GRM8: variants seen among roughly 807,000 people sequenced by gnomAD.
GRM8 encodes glutamate metabotropic receptor 8.
Under a neutral mutation model 87.2 loss-of-function variants are expected in GRM8, and 47 were observed. The observed-to-expected ratio is 0.54, with a 90% confidence interval of 0.43 to 0.69. The LOEUF (loss-of-function observed/expected upper bound fraction) is 0.69. Among genes scored for constraint, GRM8 ranks in the 30% least tolerant of loss-of-function variants. The pLI is 0.00. For synonymous variants in GRM8, 396 were observed against 404.5 expected (o/e 0.98, Z 0.25); for missense variants, 1,019 against 1,139.2 (o/e 0.89, Z 1.52).
intron 2 of GRM8, among the ~76,000 whole-genome samples, chr7:127,207,565 G>A (rs1158007490): frequency 5.3e-5 from 8 of 152,088 alleles, no homozygotes; most frequent in African/African-American, 1.7e-4. Context: ...ATCCTGCTAG[G>A]AAGGTGTTAT....
chr7:126,533,177 C>T lies in GRM8; in HGVS notation c.2205G>A (p.Lys735=), dbSNP rs758295826. The change falls in exon 9 of 11, where the codon AAG becomes AAA. Residue 735 remains lysine (K), a synonymous_variant. Transcript: ENST00000339582. ...YGEQRTLDPE[K]ARGVLKCDIS... is the part of the protein sequence containing the mutation. ...TGTCACACTTGAGCACTCCCCTGGC[C>T]TTCTCTGGATCTAGTGTCCGCTGCT... 17 of 1,612,664 alleles carry T rather than the reference C, an allele frequency of 1.1e-5. No homozygotes were observed. The highest frequency in any genetic ancestry group is 1.4e-5 in the Non-Finnish European group (17 of 1,179,624).
chr7:127,005,605 TCTA>T (rs995935633), intron 3 of GRM8, among the ~76,000 whole-genome samples: 8 of 151,928 alleles, frequency 5.3e-5, no homozygotes, highest in Non-Finnish European at 1.2e-4. Flanking sequence ...TTTACAGTTA[TCTA>T]CTATTTTCTC....
intron 3 of GRM8, among the ~76,000 whole-genome samples, chr7:126,918,514 A>G (rs1804169810): frequency 6.6e-6 from 1 of 152,248 alleles, no homozygotes; most frequent in African/African-American, 2.4e-5. Flanking sequence ...TGACCACTGG[A>G]AGAGGAAATA....
intron 8 of GRM8, among the ~76,000 whole-genome samples, chr7:126,602,746 G>C (rs967392727): frequency 6.6e-6 from 1 of 151,876 alleles, no homozygotes; most frequent in Non-Finnish European, 1.5e-5. Context: ...TCTGTTGATA[G>C]TTTACCAACC....
chr7:127,067,440 T>C (rs1821240354), intron 3 of GRM8, among the ~76,000 whole-genome samples: 1 of 152,226 alleles, frequency 6.6e-6, no homozygotes, highest in South Asian at 2.1e-4. Flanking sequence ...AATTACTCTT[T>C]ATTTAAAATT....
At chr7:127,029,098 G>C (rs959558412) in intron 3 of GRM8, among the ~76,000 whole-genome samples, 2 of 152,150 alleles carry the variant, frequency 1.3e-5, no homozygotes, top group Non-Finnish European at 2.9e-5. Context: ...TATTTACCCA[G>C]TAGTTATTCA....
intron 3 of GRM8, among the ~76,000 whole-genome samples, chr7:127,032,854 TTTG>T (rs1238647696): frequency 5.3e-5 from 8 of 152,076 alleles, no homozygotes; most frequent in East Asian, 1.9e-4. Context: ...TTTTTGCTTT[TTTG>T]TTGTTGTTAT....
intron 6 of GRM8, among the ~76,000 whole-genome samples, chr7:126,834,475 T>C (rs1795667058): frequency 6.6e-6 from 1 of 152,224 alleles, no homozygotes; most frequent in African/African-American, 2.4e-5. Flanking sequence ...TTGAAGTCCA[T>C]GTAGTGTTTT....
At chr7:127,001,756 T>C (rs532905687) in intron 3 of GRM8, among the ~76,000 whole-genome samples, 4 of 151,718 alleles carry the variant, frequency 2.6e-5, no homozygotes, top group Non-Finnish European at 4.4e-5. Flanking sequence ...GATTTATTCA[T>C]AGTAGCCACA....
intron 9 of GRM8, among the ~76,000 whole-genome samples, chr7:126,526,072 T>C (rs973834300): frequency 1.3e-5 from 2 of 152,172 alleles, no homozygotes; most frequent in African/African-American, 4.8e-5. Context: ...TATATATATA[T>C]GTGGTTACAG....
intron 3 of GRM8, among the ~76,000 whole-genome samples, chr7:127,030,225 C>T (rs1456167184): frequency 6.6e-6 from 1 of 152,002 alleles, no homozygotes; most frequent in East Asian, 1.9e-4. Flanking sequence ...AGTGGAGCTG[C>T]TCTAACACCT....
chr7:126,861,618 A>AT (rs953598216), intron 6 of GRM8, among the ~76,000 whole-genome samples: 10 of 150,192 alleles, frequency 6.7e-5, no homozygotes, highest in South Asian at 4.2e-4. Context: ...TATGCCCTTG[A>AT]TTTTTTTTTA....
chr7:126,652,443 G>A (rs1227095914), intron 7 of GRM8, among the ~76,000 whole-genome samples: 3 of 152,192 alleles, frequency 2.0e-5, no homozygotes, highest in African/African-American at 4.8e-5. Flanking sequence ...CTGTGAGGGT[G>A]TTGCCAAAGG....
At chr7:126,893,336 T>C (rs1586352182) in intron 6 of GRM8, among the ~76,000 whole-genome samples, 1 of 152,152 alleles carries the variant, frequency 6.6e-6, no homozygotes, top group East Asian at 1.9e-4. Flanking sequence ...TCTAGAATCA[T>C]ATTCCCATTT....
intron 2 of GRM8, among the ~76,000 whole-genome samples, chr7:127,135,335 T>C (rs1827890227): frequency 1.3e-5 from 2 of 152,024 alleles, no homozygotes; most frequent in Non-Finnish European, 2.9e-5. Context: ...CTAAAGCAGG[T>C]GTACAGAAAT....
intron 2 of GRM8, among the ~76,000 whole-genome samples, chr7:127,232,369 T>C (rs555102009): frequency 1.3e-4 from 20 of 152,254 alleles, no homozygotes; most frequent in African/African-American, 4.6e-4. Flanking sequence ...TAGCTGGAAC[T>C]ACAAGGGCAT....
At chr7:126,474,796 G>T (rs1321088255) in intron 9 of GRM8, among the ~76,000 whole-genome samples, 1 of 151,988 alleles carries the variant, frequency 6.6e-6, no homozygotes, top group Non-Finnish European at 1.5e-5. Flanking sequence ...AAATCAAGTG[G>T]GTTTTATCCC....
At chr7:126,873,874 T>C (rs901279780) in intron 6 of GRM8, among the ~76,000 whole-genome samples, 24 of 152,126 alleles carry the variant, frequency 1.6e-4, no homozygotes, top group African/African-American at 5.6e-4. Flanking sequence ...TATGACAGAA[T>C]TATGTGGACA....
chr7:126,658,767 G>T (rs574268861), intron 7 of GRM8, among the ~76,000 whole-genome samples: 2 of 152,090 alleles, frequency 1.3e-5, no homozygotes, highest in East Asian at 3.9e-4. Flanking sequence ...ATATTAGATT[G>T]GAAAAAAAAT....
Sources: allele counts gnomAD v4.1 joint callset (sites outside exome capture counted in the v4.1 genomes callset), GRCh38; gene constraint gnomAD v4.1.1; transcripts MANE v1.5; gene names NCBI Gene and HGNC (gene_info 2026-07-23, HGNC 2026-07-21).